Variants in ABCA13 observed in about 807,000 individuals in gnomAD.
ABCA13 encodes the protein ATP-binding cassette sub-family A member 13.
A neutral mutation model predicts 478.7 loss-of-function variants in ABCA13; 476 were observed. That is an observed-to-expected ratio of 0.99 (90% confidence interval 0.92 to 1.07). The LOEUF (loss-of-function observed/expected upper bound fraction) is 1.07. Ranked by LOEUF, ABCA13 falls within the 50% of genes least tolerant of loss-of-function variation. The pLI, the probability that ABCA13 is intolerant of heterozygous loss-of-function variation, is 0.00. For synonymous variants in ABCA13, 2,252 were observed against 2,158.9 expected (o/e 1.04, Z -1.20); for missense variants, 6,060 against 5,910.6 (o/e 1.03, Z -0.83).
chr7:48,311,520 C>T (rs1292270115), intron 24 of ABCA13, among the ~76,000 whole-genome samples: 1 of 152,098 alleles, frequency 6.6e-6, no homozygotes, highest in Non-Finnish European at 1.5e-5. Flanking sequence ...TTAGTGGCCA[C>T]TTTGTTATGT....
At chr7:48,395,688 C>A (rs1481778514) in intron 38 of ABCA13, among the ~76,000 whole-genome samples, 1 of 152,172 alleles carries the variant, frequency 6.6e-6, no homozygotes, top group Non-Finnish European at 1.5e-5. Flanking sequence ...TCTAGTTAGA[C>A]AATAGTAAAT....
At chr7:48,427,959 C>A in intron 42 of ABCA13, 88 bp downstream of exon 42, 1 of 927,156 alleles carries the variant, frequency 1.1e-6, no homozygotes, top group South Asian at 2.0e-5. Flanking sequence ...AGTTGTATAG[C>A]AAGGTTCTGA....
At chr7:48,495,007 G>A (rs1034526985) in intron 48 of ABCA13, among the ~76,000 whole-genome samples, 1 of 152,050 alleles carries the variant, frequency 6.6e-6, no homozygotes, top group Non-Finnish European at 1.5e-5. Context: ...GAATAAGAAA[G>A]TAAGAAGGAA....
intron 55 of ABCA13, among the ~76,000 whole-genome samples, chr7:48,538,005 CAAT>C (rs1343919230): frequency 6.6e-6 from 1 of 151,680 alleles, no homozygotes; most frequent in Non-Finnish European, 1.5e-5. Flanking sequence ...CTGTATTTAA[CAAT>C]GACATATATG....
intron 57 of ABCA13, among the ~76,000 whole-genome samples, chr7:48,591,009 G>A (rs2131415202): frequency 6.6e-6 from 1 of 151,208 alleles, no homozygotes; most frequent in Non-Finnish European, 1.5e-5. Flanking sequence ...TATTTTATGT[G>A]CTTTTGGTGT....
At chr7:48,349,762 C>G (rs748659945) in intron 29 of ABCA13, among the ~76,000 whole-genome samples, 2 of 152,088 alleles carry the variant, frequency 1.3e-5, no homozygotes, top group African/African-American at 4.8e-5. Context: ...CTCCAAGCTT[C>G]GATGGAGGGT....
chr7:48,333,987 C>T (rs1236515075), intron 27 of ABCA13, among the ~76,000 whole-genome samples: 1 of 152,192 alleles, frequency 6.6e-6, no homozygotes, highest in Non-Finnish European at 1.5e-5. Flanking sequence ...GCTGATCCCC[C>T]TGTTGGTGTT....
intron 53 of ABCA13, among the ~76,000 whole-genome samples, chr7:48,521,563 G>A (rs2130984235): frequency 6.6e-6 from 1 of 152,138 alleles, no homozygotes; most frequent in South Asian, 2.1e-4. Flanking sequence ...AATGCAGAGT[G>A]CCCTTTAAAC....
At chr7:48,616,331 G>GGT (rs1792565725) in intron 59 of ABCA13, among the ~76,000 whole-genome samples, 1 of 151,974 alleles carries the variant, frequency 6.6e-6, no homozygotes, top group Non-Finnish European at 1.5e-5. Context: ...GTCAACCACT[G>GGT]GTCAGATGCA....
chr7:48,557,484 A>C (rs1785961336), intron 55 of ABCA13, among the ~76,000 whole-genome samples: 2 of 152,094 alleles, frequency 1.3e-5, no homozygotes, highest in Admixed American at 1.3e-4. Context: ...TTGTAGGATA[A>C]AAGTTTTTTC....
intron 34 of ABCA13, among the ~76,000 whole-genome samples, chr7:48,374,691 C>T (rs949842313): frequency 1.6e-4 from 24 of 152,158 alleles, no homozygotes; most frequent in Non-Finnish European, 2.4e-4. Context: ...CCACCCTTGA[C>T]GTCTGGTCTG....
chr7:48,324,283 C>CTG (rs1049109014), intron 27 of ABCA13, among the ~76,000 whole-genome samples: 1 of 152,172 alleles, frequency 6.6e-6, no homozygotes, highest in African/African-American at 2.4e-5. Flanking sequence ...AGTTGTCCCT[C>CTG]TGTGTGTGTG....
chr7:48,623,535 T>G (rs1456507180), intron 59 of ABCA13, among the ~76,000 whole-genome samples: 1 of 152,214 alleles, frequency 6.6e-6, no homozygotes, highest in Non-Finnish European at 1.5e-5. Flanking sequence ...CATCGTTATT[T>G]GTAGTAAGAA....
chr7:48,424,086 T>C (rs903568050), intron 41 of ABCA13, among the ~76,000 whole-genome samples: 1 of 152,226 alleles, frequency 6.6e-6, no homozygotes, highest in South Asian at 2.1e-4. Context: ...CCATACTAAA[T>C]GCACAAACGC....
In ABCA13 at chr7:48,580,979, ACTT is replaced by A. The variant is rs556230551; in HGVS notation, c.14505+611_14505+613del. ...AGTGAGAGAGCAAAAGACAGCTGCC[ACTT>A]CTTCTGTGTGAGTAGAGGTCAGCGA... On this transcript the variant is annotated intron_variant, in intron 56 of 61. Transcript: ENST00000435803. Among the ~76,000 whole-genome samples the A allele has an allele frequency of 2.3e-3, 356 of 152,250 alleles. 3 individuals are homozygous for A. Among genetic ancestry groups the A allele is most frequent in the African/African-American group, 8.0e-3 (332 of 41,534 alleles).
chr7:48,202,354 A>G (rs1357093356), intron 3 of ABCA13, among the ~76,000 whole-genome samples: 4 of 152,138 alleles, frequency 2.6e-5, no homozygotes, highest in African/African-American at 9.7e-5. Flanking sequence ...GATACAGAGT[A>G]TTGACACAAA....
At chr7:48,380,614 T>G (rs191096519) in intron 35 of ABCA13, among the ~76,000 whole-genome samples, 78 of 152,338 alleles carry the variant, frequency 5.1e-4, no homozygotes, top group African/African-American at 1.8e-3. Context: ...TCAAGGACAT[T>G]TCTTTGTTGC....
intron 31 of ABCA13, among the ~76,000 whole-genome samples, chr7:48,357,221 T>A (rs1403459156): frequency 2.6e-5 from 4 of 152,002 alleles, no homozygotes; most frequent in Non-Finnish European, 5.9e-5. Context: ...ACCTCTCATT[T>A]TATTTATTTT....
chr7:48,205,703 TCTTTCA>T (rs1784838259), intron 3 of ABCA13, among the ~76,000 whole-genome samples: 3 of 152,238 alleles, frequency 2.0e-5, no homozygotes, highest in Non-Finnish European at 4.4e-5. Flanking sequence ...TTCTTTAGTG[TCTTTCA>T]ACATAGCTTT....
Sources: allele counts gnomAD v4.1 joint callset (sites outside exome capture counted in the v4.1 genomes callset), GRCh38; gene constraint gnomAD v4.1.1; transcripts MANE v1.5; gene names NCBI Gene and HGNC (gene_info 2026-07-23, HGNC 2026-07-21).